Variants in GRIP1 observed in about 807,000 individuals in gnomAD.
The protein encoded by GRIP1 is glutamate receptor-interacting protein 1.
GRIP1 carries 45 observed loss-of-function variants against 129.9 expected under a neutral mutation model. The ratio of observed to expected loss-of-function variants is 0.35; its 90% CI spans 0.27 to 0.44. The LOEUF (loss-of-function observed/expected upper bound fraction) is 0.44, where lower values mean the gene tolerates loss of function less well. GRIP1 is among the 20% of genes least tolerant of loss of function. The pLI is 1.00. For missense variants in GRIP1, 1,196 were observed against 1,396.8 expected, an observed-to-expected ratio of 0.86 and a Z score of 2.29; for synonymous variants, 530 against 520.8, an observed-to-expected ratio of 1.02 and a Z score of -0.24.
At chr12:66,510,071 A>T (rs1464984111) in intron 7 of GRIP1, among the ~76,000 whole-genome samples, 2 of 152,192 alleles carry the variant, frequency 1.3e-5, no homozygotes, top group Non-Finnish European at 2.9e-5. Flanking sequence ...TTGAAGTGGA[A>T]GTTTTTCCCA....
chr12:66,528,134 G>GTTTTTTTTTTTGT (rs1565829896), intron 5 of GRIP1, among the ~76,000 whole-genome samples: 35 of 99,222 alleles, frequency 3.5e-4, no homozygotes, highest in African/African-American at 5.7e-4. Flanking sequence ...GAATTAGTAG[G>GTTTTTTTTTTTGT]TTTTTTTTTT....
chr12:66,635,339 A>G (rs900290323), intron 1 of GRIP1, among the ~76,000 whole-genome samples: 3 of 152,110 alleles, frequency 2.0e-5, no homozygotes, highest in African/African-American at 7.2e-5. Flanking sequence ...CAAGAGGATC[A>G]CTTGAGCCCA....
At chr12:66,861,941 T>C (rs191570879) in intron 1 of GRIP1, among the ~76,000 whole-genome samples, 1 of 152,182 alleles carries the variant, frequency 6.6e-6, no homozygotes, top group East Asian at 1.9e-4. Context: ...TTGGAAATGA[T>C]TTAACAATTT....
intron 1 of GRIP1, among the ~76,000 whole-genome samples, chr12:66,846,820 C>T (rs959446878): frequency 4.6e-5 from 7 of 152,190 alleles, no homozygotes; most frequent in Admixed American, 1.3e-4. Context: ...GGGTCAGCCA[C>T]GGGGCAGAGG....
intron 1 of GRIP1, among the ~76,000 whole-genome samples, chr12:66,955,787 G>A (rs1166402395): frequency 6.6e-6 from 1 of 152,062 alleles, no homozygotes; most frequent in African/African-American, 2.4e-5. Flanking sequence ...GATTACAGGC[G>A]TGAGCCACTG....
intron 1 of GRIP1, among the ~76,000 whole-genome samples, chr12:66,927,406 G>A (rs763266048): frequency 6.6e-6 from 1 of 152,144 alleles, no homozygotes; most frequent in Non-Finnish European, 1.5e-5. Context: ...AACACATATT[G>A]ATTGAAGATA....
At chr12:67,025,878 T>C (rs1271941603) in intron 1 of GRIP1, among the ~76,000 whole-genome samples, 1 of 152,232 alleles carries the variant, frequency 6.6e-6, no homozygotes, top group African/African-American at 2.4e-5. Flanking sequence ...ATAACAGTGC[T>C]TTCTCAGCAC....
At chr12:66,410,729 A>G (rs2057372408) in intron 15 of GRIP1, among the ~76,000 whole-genome samples, 1 of 152,192 alleles carries the variant, frequency 6.6e-6, no homozygotes, top group Non-Finnish European at 1.5e-5. Context: ...GGCCAAATCT[A>G]AGAGTTATCG....
At chr12:66,678,708 T>C in intron 1 of GRIP1, 142 bp downstream of exon 1, 1 of 760,926 alleles carries the variant, frequency 1.3e-6, no homozygotes, top group Admixed American at 2.0e-5. Context: ...TGTACATATG[T>C]ATCTATACAT....
chr12:66,957,605 C>T (rs2041861745), intron 1 of GRIP1, among the ~76,000 whole-genome samples: 1 of 151,984 alleles, frequency 6.6e-6, no homozygotes, highest in Non-Finnish European at 1.5e-5. Context: ...GCAAATGTCC[C>T]TCCATTGGGA....
At chr12:66,979,239 A>AC (rs1566104028) in intron 1 of GRIP1, among the ~76,000 whole-genome samples, 10 of 145,724 alleles carry the variant, frequency 6.9e-5, no homozygotes, top group African/African-American at 1.0e-4. Flanking sequence ...AAAAAAAAAA[A>AC]AAAAAAAAAA....
chr12:66,844,420 A>G (rs1055525417), intron 1 of GRIP1, among the ~76,000 whole-genome samples: 1 of 152,192 alleles, frequency 6.6e-6, no homozygotes, highest in Admixed American at 6.5e-5. Context: ...GATGGCTACT[A>G]TCAACAAGAA....
At chr12:66,411,824 T>C (rs140568579) in intron 15 of GRIP1, among the ~76,000 whole-genome samples, 111 of 152,258 alleles carry the variant, frequency 7.3e-4, no homozygotes, top group Middle Eastern at 3.4e-3. Flanking sequence ...ACATGATAAC[T>C]TCACAACGCA....
chr12:66,758,368 G>A (rs1305732225), intron 1 of GRIP1, among the ~76,000 whole-genome samples: 6 of 151,808 alleles, frequency 4.0e-5, no homozygotes, highest in African/African-American at 9.7e-5. Flanking sequence ...ACTGGCCCCC[G>A]TGATTCAATT....
intron 19 of GRIP1, among the ~76,000 whole-genome samples, chr12:66,381,668 A>G (rs557381521): frequency 6.6e-6 from 1 of 152,232 alleles, no homozygotes; most frequent in South Asian, 2.1e-4. Flanking sequence ...TGTTGTATGT[A>G]TAATAAGTAG....
intron 1 of GRIP1, among the ~76,000 whole-genome samples, chr12:66,997,683 T>C (rs868295040): frequency 5.4e-4 from 82 of 152,288 alleles, no homozygotes; most frequent in African/African-American, 1.9e-3. Flanking sequence ...CAGAAACCAA[T>C]GCAAATGAAT....
chr12:66,713,564 G>A (rs1405246810), intron 1 of GRIP1, among the ~76,000 whole-genome samples: 4 of 151,722 alleles, frequency 2.6e-5, no homozygotes, highest in Non-Finnish European at 4.4e-5. Context: ...CCCATTCTTG[G>A]TGCCGCTGCT....
At chr12:66,357,321 CTG>C (rs1179100591) in intron 23 of GRIP1, among the ~76,000 whole-genome samples, 2 of 152,222 alleles carry the variant, frequency 1.3e-5, no homozygotes, top group Non-Finnish European at 1.5e-5. Flanking sequence ...ATTGCTGAAA[CTG>C]TGTCATTTGC....
chr12:66,926,799 T>C (rs1462462962), intron 1 of GRIP1, among the ~76,000 whole-genome samples: 2 of 152,196 alleles, frequency 1.3e-5, no homozygotes, highest in African/African-American at 4.8e-5. Flanking sequence ...GCCACATTTT[T>C]CCACTAGAAA....
Sources: gnomAD v4.1 joint callset for allele counts (sites outside exome capture counted in the v4.1 genomes callset) on GRCh38, gnomAD v4.1.1 for gene constraint, MANE v1.5 for transcripts, NCBI Gene and HGNC (gene_info 2026-07-23, HGNC 2026-07-21) for gene names.